SNAP47: variants seen among roughly 807,000 people sequenced by gnomAD.
SNAP47 encodes synaptosomal-associated protein 47.
Under a neutral mutation model 31.4 loss-of-function variants are expected in SNAP47, and 20 were observed. The ratio of observed to expected loss-of-function variants is 0.64; its 90% CI spans 0.45 to 0.93. The LOEUF (loss-of-function observed/expected upper bound fraction) is 0.93, where lower values mean the gene tolerates loss of function less well. SNAP47 is among the 40% of genes least tolerant of loss of function. The probability of loss-of-function intolerance (pLI) is 0.00; values close to 1 mark genes in which losing one functional copy is unlikely to be tolerated. For missense variants in SNAP47, 492 were observed against 528.5 expected, an observed-to-expected ratio of 0.93 and a Z score of 0.68; for synonymous variants, 194 against 213.4, an observed-to-expected ratio of 0.91 and a Z score of 0.79.
chr1:227,735,918 A>G (rs1190253746), intron 1 of SNAP47, among the ~76,000 whole-genome samples: 1 of 126,932 alleles, frequency 7.9e-6, no homozygotes, highest in African/African-American at 3.1e-5. Flanking sequence ...GGACGGTGGG[A>G]TCTGGAGGGG....
chr1:227,779,447 A>G (rs1347916113), intron 4 of SNAP47, among the ~76,000 whole-genome samples: 1 of 152,118 alleles, frequency 6.6e-6, no homozygotes, highest in Non-Finnish European at 1.5e-5. Context: ...CCTAGAGGCA[A>G]CCAGAGGAGC....
At chr1:227,775,573 C>T (rs1664109317) in intron 4 of SNAP47, among the ~76,000 whole-genome samples, 1 of 152,214 alleles carries the variant, frequency 6.6e-6, no homozygotes, top group African/African-American at 2.4e-5. Flanking sequence ...GGAGCACTGT[C>T]TTCCCGGGCT....
chr1:227,774,423 C>T (rs748156004), intron 4 of SNAP47, among the ~76,000 whole-genome samples: 10 of 152,000 alleles, frequency 6.6e-5, no homozygotes, highest in African/African-American at 1.5e-4. Context: ...TGTCACCCAC[C>T]GGGAGAGTGA....
Position 227,762,439 on chromosome 1 carries a change from C to T in SNAP47, c.988+2954C>T, listed in dbSNP as rs896948280. Among the ~76,000 whole-genome samples the T allele has an allele frequency of 1.3e-5, 2 of 152,220 alleles. No individual in the cohort carries two copies. The highest frequency in any genetic ancestry group is 1.9e-4 in the East Asian group (1 of 5,186). ...GCTCTGAGGCCTTGCCTCTGCCTGC[C>T]GCCTGCTGCTGTTGTCCATGCGTAG... is the stretch of plus-strand genomic sequence containing the variant. On this transcript the variant is annotated intron_variant, in intron 3 of 4. Coordinates refer to ENST00000617596, the MANE Select transcript of SNAP47 (RefSeq NM_053052.4). This position sits in a 1 kb window ranked among gnomAD's most constrained non-coding sequence, Gnocchi z 4.2.
intron 2 of SNAP47, 21 bp downstream of exon 2, chr1:227,748,254 T>C: frequency 6.5e-7 from 1 of 1,537,336 alleles, no homozygotes; most frequent in Non-Finnish European, 8.7e-7. Flanking sequence ...TGTGTACACT[T>C]TGCAAGGCAC....
chr1:227,770,175 C>T (rs1663704892), intron 4 of SNAP47, among the ~76,000 whole-genome samples: 1 of 152,258 alleles, frequency 6.6e-6, no homozygotes, highest in African/African-American at 2.4e-5. Context: ...CGTACCACTG[C>T]CTGTGACGTC....
upstream of SNAP47, chr1:227,735,192 C>T: frequency 6.3e-7 from 1 of 1,582,168 alleles, no homozygotes; most frequent in Non-Finnish European, 8.6e-7. Flanking sequence ...GCTACCCGGC[C>T]CGGAGCCTGG....
At chr1:227,778,604 C>T (rs1474352810) in intron 4 of SNAP47, among the ~76,000 whole-genome samples, 1 of 152,198 alleles carries the variant, frequency 6.6e-6, no homozygotes, top group Non-Finnish European at 1.5e-5. Flanking sequence ...CTGGTTCCAG[C>T]AATGCCCTCA....
chr1:227,773,006 G>A (rs1653903104), intron 4 of SNAP47, among the ~76,000 whole-genome samples: 1 of 152,092 alleles, frequency 6.6e-6, no homozygotes, highest in East Asian at 1.9e-4. Context: ...TGTCTCCCAG[G>A]CTGGAGTGCA....
chr1:227,736,705 G>A (rs998848028), intron 1 of SNAP47, among the ~76,000 whole-genome samples: 1 of 26,018 alleles, frequency 3.8e-5, no homozygotes, highest in Admixed American at 4.1e-4. Context: ...TTTTTTTTTT[G>A]TAGAGACAGG....
In SNAP47 at chr1:227,740,172, C is replaced by T. The variant is rs575008793; in HGVS notation, c.-46+4673C>T. ...GCCTTAGGAAGGCGAGGAAGCCCTC[C>T]GAACAGAGACCTGCGGAGTGGAGCC... On this transcript the variant is annotated intron_variant, in intron 1 of 4. Transcript: ENST00000617596. Among the ~76,000 whole-genome samples the T allele has an allele frequency of 3.3e-5, 5 of 152,304 alleles. No homozygotes were observed. In the East Asian group the frequency reaches 7.7e-4, roughly 24 times the overall value.
At chr1:227,770,027 G>A (rs1663693416) in intron 4 of SNAP47, among the ~76,000 whole-genome samples, 1 of 152,188 alleles carries the variant, frequency 6.6e-6, no homozygotes, top group African/African-American at 2.4e-5. Flanking sequence ...GTGCCTGATG[G>A]TGGGAAAGAA....
chr1:227,775,664 C>A, intron 4 of SNAP47: 1 of 970,124 alleles, frequency 1.0e-6, no homozygotes, highest in Non-Finnish European at 1.4e-6. Context: ...CGCGCATGGA[C>A]ACACAGCTGC....
chr1:227,740,657 G>A (rs1661527176), intron 1 of SNAP47, among the ~76,000 whole-genome samples: 1 of 152,194 alleles, frequency 6.6e-6, no homozygotes, highest in African/African-American at 2.4e-5. Context: ...TGCTTGTGCT[G>A]GTTGGCCCAG....
At chr1:227,743,134 C>G (rs76017565) in intron 1 of SNAP47, among the ~76,000 whole-genome samples, 1 of 152,068 alleles carries the variant, frequency 6.6e-6, no homozygotes, top group African/African-American at 2.4e-5. Context: ...GAGTATTCCC[C>G]GGTTGCAGAG....
chr1:227,742,283 G>A (rs920710985), intron 1 of SNAP47, among the ~76,000 whole-genome samples: 5 of 152,094 alleles, frequency 3.3e-5, no homozygotes, highest in African/African-American at 9.7e-5. Flanking sequence ...TGCCCAGGCT[G>A]GAGTGCAGTG....
intron 2 of SNAP47, among the ~76,000 whole-genome samples, chr1:227,752,755 C>T (rs952935472): frequency 1.2e-4 from 18 of 152,182 alleles, no homozygotes; most frequent in African/African-American, 4.1e-4. Context: ...GATCACCTCC[C>T]CTGGAGTTGT....
chr1:227,732,986 G>A (rs1423607680), upstream of SNAP47: 4 of 1,613,508 alleles, frequency 2.5e-6, no homozygotes, highest in Non-Finnish European at 3.4e-6. Flanking sequence ...TGGCCAGGTT[G>A]AAGCCATTGA....
chr1:227,735,492 T>G lies in SNAP47; in HGVS notation c.-53T>G, dbSNP rs1325033016. ...GGTCGGCTCTGGGACTCGTCTGGCGTCCCTCAGGTGAGCGACGGTGTTGGT... is the reference window on the plus strand; with the variant it reads ...GGTCGGCTCTGGGACTCGTCTGGCGGCCCTCAGGTGAGCGACGGTGTTGGT... On this transcript the variant is annotated 5_prime_UTR_variant, in exon 1 of 5. Coordinates refer to ENST00000617596, the MANE Select transcript of SNAP47 (RefSeq NM_053052.4). 1 of 1,410,172 alleles carries G rather than the reference T, an allele frequency of 7.1e-7. No homozygotes were observed. Among genetic ancestry groups the G allele is most frequent in the Non-Finnish European group, 9.2e-7 (1 of 1,091,302 alleles). The allele number at this position is 1,410,172 out of a possible 1,614,324, so 87.4% of individuals were successfully genotyped here. A position where few individuals can be genotyped will look rare whatever the true frequency, so the allele number is the denominator to read the frequency against.
Sources: allele counts gnomAD v4.1 joint callset (sites outside exome capture counted in the v4.1 genomes callset), GRCh38; gene constraint gnomAD v4.1.1; non-coding constraint Gnocchi (gnomAD v3.1); transcripts MANE v1.5; gene names NCBI Gene and HGNC (gene_info 2026-07-23, HGNC 2026-07-21).